The following DNAAF11 variants were observed in gnomAD, a reference collection of about 807,000 sequenced individuals.
DNAAF11 encodes leucine rich repeat containing 6.
Under a neutral mutation model 60.8 loss-of-function variants are expected in DNAAF11, and 45 were observed. The ratio of observed to expected loss-of-function variants is 0.74; its 90% CI spans 0.58 to 0.95. DNAAF11 has a LOEUF of 0.95. Ranked by LOEUF, DNAAF11 falls within the 40% of genes least tolerant of loss-of-function variation. The pLI is 0.00. For synonymous variants in DNAAF11, 191 were observed against 183.5 expected (o/e 1.04, Z -0.33); for missense variants, 546 against 546.2 (o/e 1.00, Z 0.00).
At chr8:132,629,190 G>T (rs1465998674) in intron 5 of DNAAF11, among the ~76,000 whole-genome samples, 1 of 152,092 alleles carries the variant, frequency 6.6e-6, no homozygotes, top group East Asian at 1.9e-4. Context: ...TAATGCATGT[G>T]ATGATAAAAG....
intron 3 of DNAAF11, among the ~76,000 whole-genome samples, chr8:132,651,686 G>GT (rs1823029540): frequency 6.6e-6 from 1 of 152,174 alleles, no homozygotes; most frequent in Non-Finnish European, 1.5e-5. Flanking sequence ...CTCATACGGT[G>GT]TAAGAATACT....
intron 3 of DNAAF11, chr8:132,643,482 G>A (rs1317382056): frequency 5.6e-6 from 2 of 356,012 alleles, no homozygotes; most frequent in Non-Finnish European, 1.1e-5. Flanking sequence ...GAGAGTTGGG[G>A]AGCAAGTGTA....
At chr8:132,656,440 A>G (rs1823577464) in intron 3 of DNAAF11, among the ~76,000 whole-genome samples, 1 of 152,206 alleles carries the variant, frequency 6.6e-6, no homozygotes, top group Admixed American at 6.5e-5. Context: ...TTAAAAGCGT[A>G]CCTATTTTTA....
chr8:132,577,426 A>T (rs1221068003), intron 11 of DNAAF11, among the ~76,000 whole-genome samples: 1 of 152,238 alleles, frequency 6.6e-6, no homozygotes, highest in Non-Finnish European at 1.5e-5. Context: ...ATCCTTATAC[A>T]AGTCAGGTCC....
In DNAAF11 at chr8:132,602,304, G is replaced by T. The variant is rs1410917994; in HGVS notation, c.1140+7862C>A. The stretch of plus-strand genomic sequence containing the variant: ...TCAATGTCACTACCACCCCACAACA[G>T]GGAGCAGCCATCAACCAAGGATCCT... On this transcript the variant is annotated intron_variant, in intron 10 of 11. Coordinates refer to ENST00000620350, the MANE Select transcript of DNAAF11 (RefSeq NM_012472.6). Among the ~76,000 whole-genome samples the T allele has an allele frequency of 2.0e-5, 3 of 152,016 alleles. No homozygotes were observed. The East Asian group carries it at 5.8e-4, about 29-fold the overall frequency.
intron 1 of DNAAF11, among the ~76,000 whole-genome samples, chr8:132,664,812 C>A (rs1054090359): frequency 6.6e-6 from 1 of 152,060 alleles, no homozygotes; most frequent in Non-Finnish European, 1.5e-5. Context: ...CCAATCACTT[C>A]ATGCAACTGT....
At chr8:132,651,100 TCCAG>T (rs1822969111) in intron 3 of DNAAF11, among the ~76,000 whole-genome samples, 1 of 152,096 alleles carries the variant, frequency 6.6e-6, no homozygotes, top group South Asian at 2.1e-4. Context: ...TCTGTGGAGA[TCCAG>T]CTCAGTGACC....
chr8:132,662,407 T>C (rs1824227102), intron 1 of DNAAF11, among the ~76,000 whole-genome samples: 1 of 152,196 alleles, frequency 6.6e-6, no homozygotes, highest in Non-Finnish European at 1.5e-5. Context: ...TTTGTAAAGA[T>C]GCATTGAAAC....
chr8:132,636,592 G>A (rs1821320467), intron 4 of DNAAF11, among the ~76,000 whole-genome samples: 1 of 152,108 alleles, frequency 6.6e-6, no homozygotes, highest in Admixed American at 6.5e-5. Context: ...GCCTGACCAG[G>A]CTCAGCTGCA....
rs116638225 is a variant in DNAAF11, at chr8:132,578,309, A to C, written c.1226+5385T>G. The C allele has an allele frequency of 1.8e-3, 1,033 of 588,914 alleles. 17 individuals carry two copies. Among genetic ancestry groups the C allele is most frequent in the African/African-American group, 0.017 (902 of 53,004 alleles). 36.5% of individuals were successfully genotyped at this position (588,914 alleles called of 1,614,324 possible). On this transcript the variant is annotated intron_variant, in intron 11 of 11. Transcript: ENST00000620350. ...TAAATCATAATAGAGGATTTTAATT[A>C]CTCATGGATCTCTGGAGTCAAAAAC...
intron 1 of DNAAF11, among the ~76,000 whole-genome samples, chr8:132,674,172 G>A (rs925281105): frequency 2.9e-4 from 41 of 142,198 alleles, no homozygotes; most frequent in African/African-American, 3.1e-4. Flanking sequence ...GGAGAAGGAG[G>A]AGGAGGAGAA....
chr8:132,581,633 T>C (rs993362230), intron 11 of DNAAF11, among the ~76,000 whole-genome samples: 7 of 134,348 alleles, frequency 5.2e-5, no homozygotes, highest in African/African-American at 1.7e-4. Context: ...CTCTTGCCAC[T>C]GCACTTGACA....
chr8:132,651,183 A>G (rs1406138817), intron 3 of DNAAF11, among the ~76,000 whole-genome samples: 3 of 151,994 alleles, frequency 2.0e-5, no homozygotes, highest in African/African-American at 7.2e-5. Flanking sequence ...AGCTCATGCT[A>G]TGGGAAATTC....
chr8:132,691,000 C>T, the DNAAF11 span, among the ~76,000 whole-genome samples: 1 of 152,178 alleles, frequency 6.6e-6, no homozygotes, highest in African/African-American at 2.4e-5. Context: ...CTTTCCACCT[C>T]CCTCCTCCCT....
intron 3 of DNAAF11, among the ~76,000 whole-genome samples, chr8:132,654,827 A>G (rs13272108): frequency 0.085 from 12,819 of 151,394 alleles, 650 homozygotes; most frequent in African/African-American, 0.11. Context: ...CATAAAAAAC[A>G]ACGACTCATA....
chr8:132,675,344 A>T, intron 1 of DNAAF11, 140 bp downstream of exon 1: 1 of 848,968 alleles, frequency 1.2e-6, no homozygotes, highest in Non-Finnish European at 1.8e-6. Flanking sequence ...TGCGGTGCGG[A>T]GGGCCGGGTG....
intron 5 of DNAAF11, among the ~76,000 whole-genome samples, chr8:132,626,763 C>G (rs904281849): frequency 1.3e-5 from 2 of 152,068 alleles, no homozygotes; most frequent in Non-Finnish European, 2.9e-5. Context: ...TTACATGAAG[C>G]CTTTAATACA....
chr8:132,649,155 G>C (rs1198676914), intron 3 of DNAAF11, among the ~76,000 whole-genome samples: 1 of 152,096 alleles, frequency 6.6e-6, no homozygotes, highest in Non-Finnish European at 1.5e-5. Flanking sequence ...GCATGGTACT[G>C]GTACCAAAAC....
At chr8:132,639,966 C>T (rs772653727) in intron 3 of DNAAF11, among the ~76,000 whole-genome samples, 2 of 152,098 alleles carry the variant, frequency 1.3e-5, no homozygotes, top group South Asian at 2.1e-4. Context: ...AACACAGAAT[C>T]CAGAAGTAGG....
Sources: gnomAD v4.1 joint callset for allele counts (sites outside exome capture counted in the v4.1 genomes callset) on GRCh38, gnomAD v4.1.1 for gene constraint, MANE v1.5 for transcripts, NCBI Gene and HGNC (gene_info 2026-07-23, HGNC 2026-07-21) for gene names.